The following ADAMTS2 variants were observed in gnomAD, a reference collection of about 807,000 sequenced individuals.
The protein encoded by ADAMTS2 is ADAM metallopeptidase with thrombospondin type 1 motif 2, also known as A disintegrin and metalloproteinase with thrombospondin motifs 2.
ADAMTS2 carries 50 observed loss-of-function variants against 123.0 expected under a neutral mutation model. The observed-to-expected ratio is 0.41, with a 90% CI of 0.32 to 0.51. The LOEUF is 0.51. Ranked by LOEUF, ADAMTS2 falls within the 20% of genes least tolerant of loss-of-function variation. ADAMTS2 has a pLI of 0.35. For missense variants in ADAMTS2, 1,494 were observed against 1,705.2 expected (o/e 0.88, Z 2.18); for synonymous variants, 678 against 695.4 (o/e 0.98, Z 0.39).
chr5:179,151,401 G>A (rs1763353315), intron 10 of ADAMTS2, among the ~76,000 whole-genome samples: 1 of 152,192 alleles, frequency 6.6e-6, no homozygotes, highest in Non-Finnish European at 1.5e-5. Context: ...CCATCAAGGA[G>A]CCACAGGTCC....
chr5:179,342,940 G>C (rs193161), intron 2 of ADAMTS2, among the ~76,000 whole-genome samples: 1 of 152,220 alleles, frequency 6.6e-6, no homozygotes, highest in Non-Finnish European at 1.5e-5. Context: ...GAGAGGCGCA[G>C]GCAGTCTCAA....
At chr5:179,127,552 T>C (rs1301428530) in intron 17 of ADAMTS2, among the ~76,000 whole-genome samples, 1 of 152,064 alleles carries the variant, frequency 6.6e-6, no homozygotes, top group Non-Finnish European at 1.5e-5. Context: ...CAGAAACATC[T>C]GGGAGGCTTT....
chr5:179,200,815 C>G (rs530973622), intron 4 of ADAMTS2, among the ~76,000 whole-genome samples: 1 of 152,002 alleles, frequency 6.6e-6, no homozygotes, highest in Non-Finnish European at 1.5e-5. Context: ...CTATCCCAGG[C>G]GGAATAAAAC....
chr5:179,307,811 A>C lies in ADAMTS2; in HGVS notation c.535-34747T>G, dbSNP rs1487957798. On this transcript the variant is annotated intron_variant, in intron 2 of 21. Transcript: ENST00000251582. This position sits in a 1 kb window ranked among gnomAD's most constrained non-coding sequence, Gnocchi z 5.6. Reference sequence around the variant, plus strand: ...GTCCTAGCTCCGATGCCTCCTCACAAGGACCTTGGTGAAGGGTGTCCCTTC... The same window carrying C: ...GTCCTAGCTCCGATGCCTCCTCACACGGACCTTGGTGAAGGGTGTCCCTTC... Among the ~76,000 whole-genome samples, 4 of 152,146 alleles carry C rather than the reference A, an allele frequency of 2.6e-5. No homozygotes were observed. Among genetic ancestry groups the C allele is most frequent in the Non-Finnish European group, 4.4e-5 (3 of 68,022 alleles).
At chr5:179,325,101 C>T (rs984311093) in intron 2 of ADAMTS2, among the ~76,000 whole-genome samples, 1 of 152,254 alleles carries the variant, frequency 6.6e-6, no homozygotes, top group Non-Finnish European at 1.5e-5. Flanking sequence ...GCACCTGCCA[C>T]AGGCACTGTT....
rs574928668 is a variant in ADAMTS2 at position 179,260,298 on chromosome 5, T to A, written c.688+12613A>T. On this transcript the variant is annotated intron_variant, in intron 3 of 21. Transcript: ENST00000251582. The surrounding 1 kb of genome is among the most constrained non-coding windows in gnomAD (Gnocchi z 4.2). Reference sequence around the variant, plus strand: ...CGGGCTTCCTAGGCACTATGCTTATTCTTTCTTTTCACGGATATTTACGCA... The same window carrying A: ...CGGGCTTCCTAGGCACTATGCTTATACTTTCTTTTCACGGATATTTACGCA... Among the ~76,000 whole-genome samples the A allele has an allele frequency of 6.8e-4, 104 of 152,316 alleles. No individual in the cohort carries two copies. The highest frequency in any genetic ancestry group is 1.4e-3 in the Non-Finnish European group (92 of 68,022).
At chr5:179,133,047 C>T (rs997334103) in intron 13 of ADAMTS2, 147 bp from the exon 14 acceptor site, 10 of 1,058,430 alleles carry the variant, frequency 9.4e-6, no homozygotes, top group Non-Finnish European at 1.3e-5. Flanking sequence ...GCGTGAACCA[C>T]CTTGCCTGGC....
intron 10 of ADAMTS2, among the ~76,000 whole-genome samples, chr5:179,145,154 G>C (rs182085593): frequency 1.2e-4 from 18 of 152,250 alleles, no homozygotes; most frequent in Admixed American, 9.8e-4. Flanking sequence ...GTCATCATAG[G>C]TCACTAGGGA....
rs1458364338 is a variant in ADAMTS2 at position 179,307,229 on chromosome 5, G to C, written c.535-34165C>G. On this transcript the variant is annotated intron_variant, in intron 2 of 21. Transcript: ENST00000251582. The surrounding 1 kb of genome is among the most constrained non-coding windows in gnomAD (Gnocchi z 5.6). ...CCTGCCCTGCTGTGCTCCGCCATCTGCCCCAGCAGTGCTGTGAGAGCATCG... is the reference window on the plus strand; with the variant it reads ...CCTGCCCTGCTGTGCTCCGCCATCTCCCCCAGCAGTGCTGTGAGAGCATCG... 6.6e-6 allele frequency among the ~76,000 whole-genome samples: 1 copy of C among 152,200 alleles called. No individual in the cohort carries two copies. The highest frequency in any genetic ancestry group is 1.5e-5 in the Non-Finnish European group (1 of 68,024).
At chr5:179,286,223 A>G (rs1237847587) in intron 2 of ADAMTS2, among the ~76,000 whole-genome samples, 4 of 150,814 alleles carry the variant, frequency 2.7e-5, no homozygotes, top group Admixed American at 6.6e-5. Flanking sequence ...TCTCAAAAAA[A>G]AAAAAAAAAA....
In ADAMTS2 at chr5:179,158,635, G is replaced by A. The variant is rs1174619072; in HGVS notation, c.1132+88C>T. 3.2e-6 allele frequency: 5 copies of A among 1,581,668 alleles called. No homozygotes were observed. The highest frequency in any genetic ancestry group is 4.5e-5 in the East Asian group (2 of 44,718). On this transcript the variant is annotated intron_variant, in intron 6 of 21. Transcript: ENST00000251582. The surrounding 1 kb of genome is among the most constrained non-coding windows in gnomAD (Gnocchi z 5.0). ...TCCCTGCCCTGACACTCTTCCCTGG[G>A]CTGGGCCAAGGCTCCCGGGGCCCCT...
intron 13 of ADAMTS2, among the ~76,000 whole-genome samples, chr5:179,135,639 C>T (rs569820047): frequency 3.9e-5 from 6 of 152,144 alleles, no homozygotes; most frequent in Non-Finnish European, 7.4e-5. Context: ...GCTCCCAGGC[C>T]GCCACCACCG....
intron 3 of ADAMTS2, among the ~76,000 whole-genome samples, chr5:179,236,246 ACTTTCC>A (rs1333895976): frequency 6.6e-6 from 1 of 151,986 alleles, no homozygotes; most frequent in Non-Finnish European, 1.5e-5. Context: ...CCCAGAAATC[ACTTTCC>A]CTCCCTCCTC....
At position 179,202,132 on chromosome 5, in the gene ADAMTS2, G is replaced by A. The variant is rs956920087; in HGVS notation, c.891+5381C>T. 1.3e-5 allele frequency among the ~76,000 whole-genome samples: 2 copies of A among 152,178 alleles called. No homozygotes were observed. The highest frequency in any genetic ancestry group is 2.9e-5 in the Non-Finnish European group (2 of 68,026). On this transcript the variant is annotated intron_variant, in intron 4 of 21. Transcript: ENST00000251582. This position sits in a 1 kb window ranked among gnomAD's most constrained non-coding sequence, Gnocchi z 4.0. ...CCCTCCAGTGATTTCCACTGCTCCC[G>A]GAGCCACAGGCGGCTCCCCTCCACC...
chr5:179,328,972 A>G (rs1757386359), intron 2 of ADAMTS2, among the ~76,000 whole-genome samples: 1 of 152,168 alleles, frequency 6.6e-6, no homozygotes, highest in Admixed American at 6.5e-5. Context: ...TACTTGCCCT[A>G]TCAGATGTCA....
chr5:179,291,496 G>A (rs925477605), intron 2 of ADAMTS2, among the ~76,000 whole-genome samples: 7 of 152,172 alleles, frequency 4.6e-5, no homozygotes, highest in East Asian at 3.9e-4. Context: ...AAGCCGTGCT[G>A]GACATCATGC....
intron 2 of ADAMTS2, among the ~76,000 whole-genome samples, chr5:179,276,366 T>A (rs1766695620): frequency 6.6e-6 from 1 of 152,124 alleles, no homozygotes; most frequent in Non-Finnish European, 1.5e-5. Context: ...ACTCATTGGA[T>A]GAAGTGCAGG....
Position 179,155,487 on chromosome 5 carries a change from C to T in ADAMTS2, c.1133-568G>A, listed in dbSNP as rs549695927. ...GCAGAAGGCTGCAAAGCTGTTCAGC[C>T]GATGGGCCACACTACCCTGCAGAAT... On this transcript the variant is annotated intron_variant, in intron 6 of 21. Transcript: ENST00000251582. The surrounding 1 kb of genome is among the most constrained non-coding windows in gnomAD (Gnocchi z 5.1). Among the ~76,000 whole-genome samples the T allele has an allele frequency of 5.6e-4, 86 of 152,282 alleles. No individual in the cohort carries two copies. The highest frequency in any genetic ancestry group is 1.7e-3 in the African/African-American group (72 of 41,558).
chr5:179,325,964 G>A (rs1418510861), intron 2 of ADAMTS2, among the ~76,000 whole-genome samples: 2 of 152,206 alleles, frequency 1.3e-5, no homozygotes, highest in Non-Finnish European at 2.9e-5. Context: ...AAAGGAGAAC[G>A]GCCAGGCGGC....
Sources: allele counts gnomAD v4.1 joint callset (sites outside exome capture counted in the v4.1 genomes callset), GRCh38; gene constraint gnomAD v4.1.1; non-coding constraint Gnocchi (gnomAD v3.1); transcripts MANE v1.5; gene names NCBI Gene and HGNC (gene_info 2026-07-23, HGNC 2026-07-21).